The following NLRC5 variants were observed in gnomAD, a reference collection of about 807,000 sequenced individuals.
NLRC5 encodes the protein NLR family CARD domain containing 5.
A neutral mutation model predicts 206.9 loss-of-function variants in NLRC5; 114 were observed. The observed-to-expected ratio is 0.55, with a 90% CI of 0.47 to 0.64. The LOEUF is 0.64. NLRC5 is among the 30% of genes least tolerant of loss of function. NLRC5 has a pLI of 0.00. For missense variants in NLRC5, 2,008 were observed against 2,305.5 expected, an observed-to-expected ratio of 0.87 and a Z score of 2.64; for synonymous variants, 952 against 962.8, an observed-to-expected ratio of 0.99 and a Z score of 0.21.
intron 1 of NLRC5, among the ~76,000 whole-genome samples, chr16:56,993,956 G>GT (rs1469863723): frequency 9.3e-6 from 1 of 107,224 alleles, no homozygotes; most frequent in Non-Finnish European, 1.9e-5. Context: ...TGTTTTCCCT[G>GT]TTTTTTGTAA....
intron 22 of NLRC5, among the ~76,000 whole-genome samples, chr16:57,047,297 G>A (rs763711616): frequency 2.4e-4 from 36 of 152,036 alleles, no homozygotes; most frequent in Admixed American, 5.2e-4. Flanking sequence ...GGAGGGGGCG[G>A]TGGGGAGGAC....
At chr16:57,024,252 A>G (rs2142993844) in intron 5 of NLRC5, among the ~76,000 whole-genome samples, 1 of 152,094 alleles carries the variant, frequency 6.6e-6, no homozygotes, top group East Asian at 1.9e-4. Context: ...AACCTTCAAG[A>G]CAGAGGCCCT....
At chr16:57,075,580 C>T (rs578182232) in intron 39 of NLRC5, among the ~76,000 whole-genome samples, 3 of 152,314 alleles carry the variant, frequency 2.0e-5, no homozygotes, top group Admixed American at 1.3e-4. Flanking sequence ...CCACGGTCAG[C>T]ACTTTGAGTA....
In NLRC5 at chr16:57,028,318, A is replaced by G; in HGVS notation, c.2176A>G (p.Ile726Val). 6.2e-7 allele frequency: 1 copy of G among 1,614,060 alleles called. No homozygotes were observed. Among genetic ancestry groups the G allele is most frequent in the Non-Finnish European group, 8.5e-7 (1 of 1,179,946 alleles). The change falls in exon 8 of 49, where the codon ATC becomes GTC. Residue 726 changes from isoleucine (I) to valine (V), a missense_variant. Ile to Val is a conservative substitution (Grantham distance 29, BLOSUM62 3). Transcript: ENST00000688547. The stretch of plus-strand genomic sequence containing the variant: ...ACTCTGTAGGTTAGCAGGAAGTAAA[A>G]TCACTGCCCGAGGCATCAGCCACCT... ...LQMLGLAGSKITARGISHLVK... is the reference protein window; with the variant it reads ...LQMLGLAGSKVTARGISHLVK...
At chr16:57,041,884 A>G in intron 18 of NLRC5, 98 bp from the exon 19 acceptor site, 1 of 798,758 alleles carries the variant, frequency 1.3e-6, no homozygotes, top group South Asian at 1.9e-5. Context: ...GGCTGTGTCC[A>G]GTTTCAGGAA....
rs1346760666 is a variant in NLRC5 at position 57,069,891 on chromosome 16, G to A, written c.4555G>A (p.Gly1519Ser). The change falls in exon 37 of 49, where the codon GGC (glycine) becomes AGC (serine). Residue 1519 changes from glycine (G) to serine (S), a missense_variant. By Grantham distance (56) the Gly-to-Ser change is moderately conservative. Coordinates refer to ENST00000688547, the MANE Select transcript of NLRC5 (RefSeq NM_001384950.1). The part of the protein sequence containing the change: ...EGLAHLASGL[G>S]HCHHLEELDL... ...CCTCGCCCACCTGGCATCTGGTCTGGGCCACTGCCACCACTTGGAGGAGCT... is the reference window on the plus strand; with the variant it reads ...CCTCGCCCACCTGGCATCTGGTCTGAGCCACTGCCACCACTTGGAGGAGCT... 1.3e-6 allele frequency: 2 copies of A among 1,590,328 alleles called. No individual in the cohort carries two copies. The highest frequency in any genetic ancestry group is 1.7e-6 in the Non-Finnish European group (2 of 1,169,122).
In NLRC5 at chr16:56,993,465, A is replaced by C. The variant is rs531600014; in HGVS notation, c.-128+3848A>C. 1.1e-3 allele frequency among the ~76,000 whole-genome samples: 173 copies of C among 152,190 alleles called. 2 individuals carry two copies. Among genetic ancestry groups the C allele is most frequent in the Non-Finnish European group, 3.2e-4 (22 of 68,014 alleles). ...TCAGGCATCATTTTTCATACGTGGGAGTGAATCTTTAAGAAAACCAGGAGT... is the reference window on the plus strand; with the variant it reads ...TCAGGCATCATTTTTCATACGTGGGCGTGAATCTTTAAGAAAACCAGGAGT... On this transcript the variant is annotated intron_variant, in intron 1 of 48. Transcript: ENST00000688547.
intron 21 of NLRC5, among the ~76,000 whole-genome samples, chr16:57,046,257 T>A (rs763623845): frequency 4.7e-4 from 71 of 152,320 alleles, no homozygotes; most frequent in Non-Finnish European, 7.4e-4. Context: ...AGAGGCTCTG[T>A]CTTGGGTCCT....
At chr16:57,008,238 A>C (rs2059130529) in intron 1 of NLRC5, among the ~76,000 whole-genome samples, 1 of 152,164 alleles carries the variant, frequency 6.6e-6, no homozygotes. Flanking sequence ...TTAAAAGAGA[A>C]ATTTTTTTAA....
intron 19 of NLRC5, among the ~76,000 whole-genome samples, chr16:57,042,301 C>T (rs574470830): frequency 2.0e-5 from 3 of 152,278 alleles, no homozygotes; most frequent in South Asian, 2.1e-4. Flanking sequence ...AACCTGTCTC[C>T]GCATCTCTGA....
intron 23 of NLRC5, among the ~76,000 whole-genome samples, chr16:57,050,342 C>T (rs2064706671): frequency 6.6e-6 from 1 of 152,210 alleles, no homozygotes; most frequent in Admixed American, 6.5e-5. Context: ...GCTCCTCCCG[C>T]CCTACCCTGC....
rs76172306 is a variant in NLRC5, at chr16:57,030,170, G to A, written c.2417+86G>A. ...GGATGGGAAATGGAGGAGGCCCCTC[G>A]TCTGCAGGATAAATCTGTGCATACC... On this transcript the variant is annotated intron_variant, in intron 10 of 48. Coordinates refer to ENST00000688547, the MANE Select transcript of NLRC5 (RefSeq NM_001384950.1). The A allele has an allele frequency of 1.8e-3, 1,945 of 1,104,202 alleles. 15 individuals are homozygous for A. In the African/African-American group the frequency reaches 0.026, roughly 15 times the overall value. 68.4% of individuals were successfully genotyped at this position (1,104,202 alleles called of 1,614,324 possible).
chr16:57,026,667 C>G lies in NLRC5; in HGVS notation c.1724C>G (p.Pro575Arg). ...LAGLASCTCR[P>R]FLSHLAQGNE... ...GGCCTGGCATCCTGCACCTGCCGCCCCTTCCTTAGCCACCTGGCGCAGGGC... is the reference window on the plus strand; with the variant it reads ...GGCCTGGCATCCTGCACCTGCCGCCGCTTCCTTAGCCACCTGGCGCAGGGC... Residue 575 changes from proline (P) to arginine (R), a missense_variant, in exon 6 of 49, where the codon CCC (proline) becomes CGC (arginine). Physicochemically the swap from Pro to Arg is moderately radical, Grantham distance 103. Coordinates refer to ENST00000688547, the MANE Select transcript of NLRC5 (RefSeq NM_001384950.1). 3 of 1,614,152 alleles carry G rather than the reference C, an allele frequency of 1.9e-6. No homozygotes were observed. The highest frequency in any genetic ancestry group is 1.7e-6 in the Non-Finnish European group (2 of 1,180,004).
In NLRC5 at chr16:57,076,839, G is replaced by A; in HGVS notation, c.4772G>A (p.Gly1591Asp). ...TCCAGACTGAACAGGAACAGTATCG[G>A]TGATGTCGGTTGCTGCCACCTTTCT... Reference protein sequence around the residue: ...QSLRLNRNSIGDVGCCHLSEA... With the variant: ...QSLRLNRNSIDDVGCCHLSEA... The change falls in exon 40 of 49, where the codon GGT becomes GAT. Residue 1591 changes from glycine (G) to aspartate (D), a missense_variant. Gly to Asp is a moderately conservative substitution (Grantham distance 94). Transcript: ENST00000688547. The A allele has an allele frequency of 6.2e-7, 1 of 1,614,154 alleles. No individual in the cohort carries two copies. Among genetic ancestry groups the A allele is most frequent in the Non-Finnish European group, 8.5e-7 (1 of 1,180,030 alleles).
chr16:56,993,098 T>C (rs1051540346), intron 1 of NLRC5, among the ~76,000 whole-genome samples: 3 of 150,924 alleles, frequency 2.0e-5, no homozygotes, highest in Non-Finnish European at 4.4e-5. Flanking sequence ...GATATATACA[T>C]ATATATATAC....
chr16:57,071,091 T>A (rs1307171), intron 38 of NLRC5, among the ~76,000 whole-genome samples: 1,194 of 71,480 alleles, frequency 0.017, 93 homozygotes, highest in African/African-American at 0.056. Flanking sequence ...GTGAGTGGTG[T>A]TGGTGGTTAA....
rs371370138 is a variant in NLRC5 at position 57,025,861 on chromosome 16, T to C, written c.918T>C (p.Phe306=). The C allele has an allele frequency of 2.5e-6, 4 of 1,614,136 alleles. No homozygotes were observed. In the Admixed American group the frequency reaches 6.7e-5, roughly 27 times the overall value. Residue 306 remains phenylalanine (F), a synonymous_variant, in exon 6 of 49, where the codon TTT becomes TTC. Transcript: ENST00000688547. ...ACGCTGACCAAGTCCTGCTGATCTT[T>C]GATGGGCTAGATGAGGCCCTCCAGC... The part of the protein sequence containing the change: ...EKNADQVLLI[F]DGLDEALQPM...
intron 33 of NLRC5, among the ~76,000 whole-genome samples, chr16:57,065,687 A>G (rs1339144557): frequency 3.3e-5 from 5 of 152,214 alleles, no homozygotes; most frequent in African/African-American, 1.2e-4. Context: ...CCACTCAGCT[A>G]TGTTCAGATC....
chr16:56,991,379 CTTTTTT>C (rs55678024), intron 1 of NLRC5, among the ~76,000 whole-genome samples: 20 of 105,886 alleles, frequency 1.9e-4, no homozygotes, highest in Admixed American at 2.1e-4. Context: ...TTCTTTATTC[CTTTTTT>C]TTTTTTTTTT....
Sources: allele counts gnomAD v4.1 joint callset (sites outside exome capture counted in the v4.1 genomes callset), GRCh38; gene constraint gnomAD v4.1.1; transcripts MANE v1.5; gene names NCBI Gene and HGNC (gene_info 2026-07-23, HGNC 2026-07-21).